The following UBE2E2 variants were observed in gnomAD, a reference collection of about 807,000 sequenced individuals.
UBE2E2 encodes ubiquitin-conjugating enzyme E2 E2.
UBE2E2 carries 6 observed loss-of-function variants against 24.7 expected under a neutral mutation model. The observed-to-expected ratio is 0.24, with a 90% CI of 0.13 to 0.48. The LOEUF (loss-of-function observed/expected upper bound fraction) is 0.48. Ranked by LOEUF, UBE2E2 falls within the 20% of genes least tolerant of loss-of-function variation. The pLI is 0.99. For synonymous variants in UBE2E2, 104 were observed against 83.6 expected (o/e 1.24, Z -1.33); for missense variants, 169 against 245.0 (o/e 0.69, Z 2.07).
chr3:23,451,581 T>A (rs958053643), intron 3 of UBE2E2, among the ~76,000 whole-genome samples: 2 of 152,196 alleles, frequency 1.3e-5, no homozygotes, highest in African/African-American at 4.8e-5. Flanking sequence ...TAAGATTTTG[T>A]CTCTCTGCTA....
At chr3:23,500,744 T>C (rs951400114) in intron 4 of UBE2E2, among the ~76,000 whole-genome samples, 11 of 152,216 alleles carry the variant, frequency 7.2e-5, no homozygotes, top group African/African-American at 2.7e-4. Context: ...TTCCTTTCCA[T>C]TGATGCTTAG....
intron 3 of UBE2E2, among the ~76,000 whole-genome samples, chr3:23,492,702 A>G (rs1021976761): frequency 2.6e-5 from 4 of 152,180 alleles, no homozygotes; most frequent in Non-Finnish European, 5.9e-5. Flanking sequence ...TTAACAATAT[A>G]CATAGCTTAT....
intron 3 of UBE2E2, among the ~76,000 whole-genome samples, chr3:23,229,844 T>G (rs1026248573): frequency 1.3e-5 from 2 of 152,220 alleles, no homozygotes; most frequent in African/African-American, 2.4e-5. Flanking sequence ...TGATTTTTAA[T>G]TTTAATTTAG....
intron 3 of UBE2E2, among the ~76,000 whole-genome samples, chr3:23,265,205 T>A (rs968186145): frequency 6.6e-5 from 10 of 152,118 alleles, no homozygotes; most frequent in African/African-American, 2.4e-4. Context: ...AATTGAAGAT[T>A]AGAAAAGCAG....
At chr3:23,462,410 T>G (rs1698823118) in intron 3 of UBE2E2, among the ~76,000 whole-genome samples, 1 of 152,196 alleles carries the variant, frequency 6.6e-6, no homozygotes, top group Non-Finnish European at 1.5e-5. Flanking sequence ...CCAGTGCATC[T>G]CTACTTAGTC....
In UBE2E2 at chr3:23,342,797, A is replaced by G. The variant is rs148201281; in HGVS notation, c.227+125485A>G. 8.4e-4 allele frequency among the ~76,000 whole-genome samples: 128 copies of G among 152,334 alleles called. No individual in the cohort carries two copies. The Middle Eastern group carries it at 0.01, about 12-fold the overall frequency. On this transcript the variant is annotated intron_variant, in intron 3 of 5. Coordinates refer to ENST00000396703, the MANE Select transcript of UBE2E2 (RefSeq NM_152653.4). Reference sequence around the variant, plus strand: ...AGAAATGGGAGGGGAAATTTTCTTAATAAGTCCTAAACCCAAGAATAAACT... The same window carrying G: ...AGAAATGGGAGGGGAAATTTTCTTAGTAAGTCCTAAACCCAAGAATAAACT...
intron 3 of UBE2E2, among the ~76,000 whole-genome samples, chr3:23,334,854 CTATTGATATGT>C (rs1695160749): frequency 6.6e-6 from 1 of 152,126 alleles, no homozygotes; most frequent in African/African-American, 2.4e-5. Context: ...TATTGATCAG[CTATTGATATGT>C]GAATTATCCA....
At chr3:23,240,540 A>G (rs528322002) in intron 3 of UBE2E2, among the ~76,000 whole-genome samples, 4 of 152,340 alleles carry the variant, frequency 2.6e-5, no homozygotes, top group South Asian at 2.1e-4. Flanking sequence ...GCCATGAGGT[A>G]TCTTTGTGTC....
intron 5 of UBE2E2, chr3:23,534,148 T>TTTG: frequency 1.1e-6 from 1 of 938,888 alleles, no homozygotes; most frequent in Non-Finnish European, 1.3e-6. Flanking sequence ...TTTTTTTTTT[T>TTTG]TGAGGTGATT....
chr3:23,587,266 C>G (rs544425603), intron 5 of UBE2E2, among the ~76,000 whole-genome samples: 3 of 152,280 alleles, frequency 2.0e-5, no homozygotes, highest in Admixed American at 6.5e-5. Context: ...ATACTATTAA[C>G]AGTTGATATG....
At chr3:23,453,991 A>G (rs747757903) in intron 3 of UBE2E2, among the ~76,000 whole-genome samples, 4 of 152,202 alleles carry the variant, frequency 2.6e-5, no homozygotes, top group Non-Finnish European at 5.9e-5. Flanking sequence ...CTTTAATTTT[A>G]CAGAAGGGAG....
At chr3:23,415,103 G>A (rs1697590105) in intron 3 of UBE2E2, among the ~76,000 whole-genome samples, 1 of 152,158 alleles carries the variant, frequency 6.6e-6, no homozygotes, top group Non-Finnish European at 1.5e-5. Flanking sequence ...AGATATTTCT[G>A]GGTGTCACAC....
intron 3 of UBE2E2, among the ~76,000 whole-genome samples, chr3:23,482,664 T>C (rs986552846): frequency 6.6e-6 from 1 of 151,746 alleles, no homozygotes; most frequent in Non-Finnish European, 1.5e-5. Context: ...TGGATTATTA[T>C]TATTTTTTTT....
intron 3 of UBE2E2, among the ~76,000 whole-genome samples, chr3:23,305,407 G>T (rs1313868461): frequency 6.6e-6 from 1 of 152,214 alleles, no homozygotes; most frequent in Non-Finnish European, 1.5e-5. Flanking sequence ...TCAAGAACAA[G>T]TGAAGCTGAA....
chr3:23,462,319 A>T lies in UBE2E2; in HGVS notation c.228-37289A>T, dbSNP rs192667964. ...GAAGTAGTATTTTCAAGCTACCAAG[A>T]CAATTGAGGAGTTTTGAAATGTTAA... is the stretch of plus-strand genomic sequence containing the variant. On this transcript the variant is annotated intron_variant, in intron 3 of 5. Coordinates refer to ENST00000396703, the MANE Select transcript of UBE2E2 (RefSeq NM_152653.4). 2.0e-5 allele frequency among the ~76,000 whole-genome samples: 3 copies of T among 152,276 alleles called. No individual in the cohort carries two copies. The East Asian group carries it at 5.8e-4, about 29-fold the overall frequency.
chr3:23,452,510 T>A (rs1017600850), intron 3 of UBE2E2, among the ~76,000 whole-genome samples: 8 of 152,190 alleles, frequency 5.3e-5, no homozygotes, highest in Non-Finnish European at 8.8e-5. Flanking sequence ...GTAAAAGTCG[T>A]GTTTATAAAA....
Position 23,589,899 on chromosome 3 carries a change from C to G in UBE2E2, c.*68C>G. 6.8e-7 allele frequency: 1 copy of G among 1,477,470 alleles called. No homozygotes were observed. The highest frequency in any genetic ancestry group is 9.4e-7 in the Non-Finnish European group (1 of 1,060,368). 91.5% of individuals were successfully genotyped at this position (1,477,470 alleles called of 1,614,324 possible). On this transcript the variant is annotated 3_prime_UTR_variant, in exon 6 of 6. Transcript: ENST00000396703. This position sits in a 1 kb window ranked among gnomAD's most constrained non-coding sequence, Gnocchi z 4.1. Reference sequence around the variant, plus strand: ...TCACCAAGTGCATCGGTAGCCCTGCCCACCCCTCCAGACCTCGGTTCTTAT... The same window carrying G: ...TCACCAAGTGCATCGGTAGCCCTGCGCACCCCTCCAGACCTCGGTTCTTAT...
chr3:23,423,207 T>G (rs1391139071), intron 3 of UBE2E2, among the ~76,000 whole-genome samples: 4 of 152,220 alleles, frequency 2.6e-5, no homozygotes. Flanking sequence ...TTCTCCCAAC[T>G]GCGCATAAAA....
chr3:23,249,209 T>A (rs1463197857), intron 3 of UBE2E2, among the ~76,000 whole-genome samples: 2 of 151,462 alleles, frequency 1.3e-5, no homozygotes, highest in African/African-American at 4.9e-5. Context: ...GAGGCGGAAG[T>A]TTCAGTGAGC....
Sources: allele counts gnomAD v4.1 joint callset (sites outside exome capture counted in the v4.1 genomes callset), GRCh38; gene constraint gnomAD v4.1.1; non-coding constraint Gnocchi (gnomAD v3.1); transcripts MANE v1.5; gene names NCBI Gene and HGNC (gene_info 2026-07-23, HGNC 2026-07-21).